IRAK2: variants seen among roughly 807,000 people sequenced by gnomAD.
The protein encoded by IRAK2 is interleukin-1 receptor-associated kinase-like 2.
IRAK2 carries 57 observed loss-of-function variants against 72.0 expected under a neutral mutation model. The ratio of observed to expected loss-of-function variants is 0.79; its 90% CI spans 0.64 to 0.99. The LOEUF is 0.99. Among genes scored for constraint, IRAK2 ranks in the 50% least tolerant of loss-of-function variants. The probability of loss-of-function intolerance (pLI) is 0.00; values close to 1 mark genes in which losing one functional copy is unlikely to be tolerated. For missense variants in IRAK2, 790 were observed against 794.4 expected, an observed-to-expected ratio of 0.99 and a Z score of 0.07; for synonymous variants, 293 against 312.7, an observed-to-expected ratio of 0.94 and a Z score of 0.67.
intron 10 of IRAK2, among the ~76,000 whole-genome samples, chr3:10,233,813 A>G (rs1697905738): frequency 1.3e-5 from 2 of 152,140 alleles, no homozygotes; most frequent in African/African-American, 2.4e-5. Flanking sequence ...CTTTAGGTGC[A>G]CTGTTTCATT....
intron 7 of IRAK2, among the ~76,000 whole-genome samples, chr3:10,219,018 C>G (rs1465046713): frequency 6.6e-6 from 1 of 152,090 alleles, no homozygotes; most frequent in Non-Finnish European, 1.5e-5. Flanking sequence ...GCCAACATGG[C>G]AAAACCCTGT....
In IRAK2 at chr3:10,179,438, ATTT is replaced by A. The variant is rs34786090; in HGVS notation, c.277+1430_277+1432del. On this transcript the variant is annotated intron_variant, in intron 2 of 12. Transcript: ENST00000256458. ...AGGTGCCCACTACCACATCCAGCTA[ATTT>A]TTTTTTTTTTTATATGAAGTCTCTC... Among the ~76,000 whole-genome samples, 103 of 144,652 alleles carry A rather than the reference ATTT, an allele frequency of 7.1e-4. 2 individuals are homozygous for A. Among genetic ancestry groups the A allele is most frequent in the Middle Eastern group, 3.6e-3 (1 of 278 alleles). 94.9% of individuals were successfully genotyped at this position (144,652 alleles called of 152,430 possible).
intron 4 of IRAK2, among the ~76,000 whole-genome samples, chr3:10,210,126 G>T (rs1697496339): frequency 6.6e-6 from 1 of 152,108 alleles, no homozygotes; most frequent in Non-Finnish European, 1.5e-5. Flanking sequence ...TCACCATGTT[G>T]GCCAGCTTGG....
At chr3:10,190,406 G>A (rs1419223067) in intron 2 of IRAK2, among the ~76,000 whole-genome samples, 7 of 150,088 alleles carry the variant, frequency 4.7e-5, no homozygotes, top group South Asian at 2.1e-4. Context: ...TCAGCCTCCC[G>A]AGTAGCTGGG....
At position 10,234,440 on chromosome 3, in the gene IRAK2, TC is replaced by T; in HGVS notation, c.1273-18del. The T allele has an allele frequency of 6.2e-7, 1 of 1,610,158 alleles. No individual in the cohort carries two copies. Among genetic ancestry groups the T allele is most frequent in the Non-Finnish European group, 8.5e-7 (1 of 1,176,416 alleles). On this transcript the variant is annotated intron_variant, in intron 10 of 12. Coordinates refer to ENST00000256458, the MANE Select transcript of IRAK2 (RefSeq NM_001570.4). ...GCTCTGCAGCTCACGCAAGGGCGTTTCTACCCTTCTTCCCACAGAAGGACTT... is the reference window on the plus strand; with the variant it reads ...GCTCTGCAGCTCACGCAAGGGCGTTTTACCCTTCTTCCCACAGAAGGACTT...
intron 10 of IRAK2, among the ~76,000 whole-genome samples, chr3:10,233,309 C>G (rs970477026): frequency 6.6e-6 from 1 of 152,090 alleles, no homozygotes; most frequent in African/African-American, 2.4e-5. Context: ...GTCTCGGCCT[C>G]GCAAAGTGCT....
chr3:10,207,309 G>A (rs923091126), intron 3 of IRAK2, among the ~76,000 whole-genome samples: 2 of 152,138 alleles, frequency 1.3e-5, no homozygotes, highest in Non-Finnish European at 2.9e-5. Context: ...TCCTGATGTT[G>A]TAAGCCACAA....
chr3:10,179,188 A>G (rs917589968), intron 2 of IRAK2, among the ~76,000 whole-genome samples: 1 of 152,022 alleles, frequency 6.6e-6, no homozygotes, highest in Non-Finnish European at 1.5e-5. Flanking sequence ...TCTTTCTAAT[A>G]GCTACATTGT....
Position 10,216,926 on chromosome 3 carries a change from G to A in IRAK2, c.789-8G>A, listed in dbSNP as rs373455622. The A allele has an allele frequency of 2.4e-5, 38 of 1,610,136 alleles. 1 individual carries two copies. The highest frequency in any genetic ancestry group is 6.7e-5 in the East Asian group (3 of 44,860). Reference sequence around the variant, plus strand: ...ACTCCTCACACCTGCACTGACGCCCGATTCCAGATGCTGCCACCCCAATGT... The same window carrying A: ...ACTCCTCACACCTGCACTGACGCCCAATTCCAGATGCTGCCACCCCAATGT... On this transcript the variant is annotated splice_region_variant and splice_polypyrimidine_tract_variant and intron_variant, in intron 6 of 12. Transcript: ENST00000256458.
At chr3:10,173,023 CACTT>C (rs1696821770) in intron 1 of IRAK2, among the ~76,000 whole-genome samples, 1 of 151,908 alleles carries the variant, frequency 6.6e-6, no homozygotes, top group Non-Finnish European at 1.5e-5. Context: ...GATAGTTTAA[CACTT>C]ACAGCTAATA....
chr3:10,207,013 C>T (rs1473559808), intron 3 of IRAK2, among the ~76,000 whole-genome samples: 1 of 152,104 alleles, frequency 6.6e-6, no homozygotes, highest in Non-Finnish European at 1.5e-5. Flanking sequence ...GCCATCATGC[C>T]AGGCTAATTT....
chr3:10,172,058 A>C (rs1256541482), intron 1 of IRAK2, among the ~76,000 whole-genome samples: 1 of 152,004 alleles, frequency 6.6e-6, no homozygotes, highest in Non-Finnish European at 1.5e-5. Context: ...CAACATGGTG[A>C]AACTCTGTCC....
intron 2 of IRAK2, among the ~76,000 whole-genome samples, chr3:10,178,634 C>T (rs4684667): frequency 6.6e-6 from 1 of 151,860 alleles, no homozygotes; most frequent in African/African-American, 2.4e-5. Context: ...ATTTAAAAAA[C>T]CCCAATAGCT....
At chr3:10,221,196 T>C (rs1158481763) in intron 8 of IRAK2, among the ~76,000 whole-genome samples, 2 of 144,474 alleles carry the variant, frequency 1.4e-5, no homozygotes, top group South Asian at 2.3e-4. Context: ...ATCGAGACCA[T>C]CCTGGCTAAC....
intron 2 of IRAK2, among the ~76,000 whole-genome samples, chr3:10,186,334 CA>C (rs1228144067): frequency 6.6e-6 from 1 of 151,640 alleles, no homozygotes; most frequent in African/African-American, 2.4e-5. Context: ...ACAGTTCTGT[CA>C]AAAAACTAGA....
At chr3:10,177,356 G>A (rs1696892366) in intron 1 of IRAK2, among the ~76,000 whole-genome samples, 1 of 152,150 alleles carries the variant, frequency 6.6e-6, no homozygotes, top group African/African-American at 2.4e-5. Context: ...GAAGATGAGC[G>A]CCTCCTGCAT....
chr3:10,221,611 G>A (rs1697694669), intron 8 of IRAK2, among the ~76,000 whole-genome samples: 1 of 151,106 alleles, frequency 6.6e-6, no homozygotes, highest in South Asian at 2.1e-4. Context: ...GAGTACAGTG[G>A]CGCAATCTCA....
chr3:10,213,777 G>A (rs561291441), intron 6 of IRAK2, among the ~76,000 whole-genome samples: 1 of 152,282 alleles, frequency 6.6e-6, no homozygotes, highest in African/African-American at 2.4e-5. Flanking sequence ...GCAGAGCCAG[G>A]ATTTGGATCT....
chr3:10,182,873 T>C (rs62238358), intron 2 of IRAK2, among the ~76,000 whole-genome samples: 9,287 of 151,278 alleles, frequency 0.061, 519 homozygotes, highest in African/African-American at 0.14. Context: ...GGAGTTCAAG[T>C]GGTTCTCCTG....
Sources: gnomAD v4.1 joint callset for allele counts (sites outside exome capture counted in the v4.1 genomes callset) on GRCh38, gnomAD v4.1.1 for gene constraint, MANE v1.5 for transcripts, NCBI Gene and HGNC (gene_info 2026-07-23, HGNC 2026-07-21) for gene names.